FAM81A: variants seen among roughly 807,000 people sequenced by gnomAD.
The protein encoded by FAM81A is family with sequence similarity 81 member A.
A neutral mutation model predicts 46.7 loss-of-function variants in FAM81A; 19 were observed. That is an observed-to-expected ratio of 0.41 (90% CI 0.28 to 0.60). The LOEUF is 0.60. Among genes scored for constraint, FAM81A ranks in the 20% least tolerant of loss-of-function variants. The pLI, the probability that FAM81A is intolerant of heterozygous loss-of-function variation, is 0.34. For synonymous variants in FAM81A, 183 were observed against 152.9 expected (o/e 1.20, Z -1.45); for missense variants, 377 against 453.5 (o/e 0.83, Z 1.53).
chr15:59,416,468 A>C (rs1381816957), intron 2 of FAM81A, among the ~76,000 whole-genome samples: 1 of 152,198 alleles, frequency 6.6e-6, no homozygotes, highest in Non-Finnish European at 1.5e-5. Context: ...TCTGTGCTGG[A>C]GAAAGCCCTC....
intron 1 of FAM81A, among the ~76,000 whole-genome samples, chr15:59,450,814 A>T (rs1395511246): frequency 6.6e-6 from 1 of 152,226 alleles, no homozygotes; most frequent in African/African-American, 2.4e-5. Flanking sequence ...TTATAAAGTA[A>T]ATATTCTATT....
intron 4 of FAM81A, among the ~76,000 whole-genome samples, chr15:59,496,669 C>A (rs1262255052): frequency 6.6e-6 from 1 of 152,068 alleles, no homozygotes; most frequent in Non-Finnish European, 1.5e-5. Context: ...ACTCTCAATT[C>A]TATTCCATTG....
chr15:59,447,362 G>T (rs2081364312), intron 1 of FAM81A, among the ~76,000 whole-genome samples: 1 of 152,198 alleles, frequency 6.6e-6, no homozygotes, highest in South Asian at 2.1e-4. Context: ...GCTTTCCCCA[G>T]ATCGGCCTCA....
intron 2 of FAM81A, among the ~76,000 whole-genome samples, chr15:59,428,695 A>C (rs113368827): frequency 0.2 from 28,676 of 145,614 alleles, 3,050 homozygotes; most frequent in South Asian, 0.28. Context: ...CAGTGGTACA[A>C]TCTCGGCTCA....
At chr15:59,403,785 T>G (rs1348241553) in intron 2 of FAM81A, among the ~76,000 whole-genome samples, 4 of 152,234 alleles carry the variant, frequency 2.6e-5, no homozygotes, top group Admixed American at 6.5e-5. Context: ...TAAAATACTT[T>G]AAATTGCAAA....
Position 59,507,318 on chromosome 15 carries a change from G to C in FAM81A, c.519G>C (p.Thr173=). Reference sequence around the variant, plus strand: ...AGGCTGCCAAACTTATCTTGGAAACGAAAATCAAAGATGCAGAGGGACAGG... The same window carrying C: ...AGGCTGCCAAACTTATCTTGGAAACCAAAATCAAAGATGCAGAGGGACAGG... ...EQQAAKLILE[T]KIKDAEGQIS... Residue 173 remains threonine, a synonymous_variant, in exon 5 of 9, where the codon ACG becomes ACC. Transcript: ENST00000288228. 6.2e-7 allele frequency: 1 copy of C among 1,612,306 alleles called. No individual in the cohort carries two copies. Among genetic ancestry groups the C allele is most frequent in the East Asian group, 2.2e-5 (1 of 44,868 alleles).
intron 8 of FAM81A, among the ~76,000 whole-genome samples, chr15:59,518,371 C>T (rs536863374): frequency 1.1e-3 from 161 of 151,994 alleles, no homozygotes; most frequent in African/African-American, 3.4e-3. Context: ...TTGCCTAGGC[C>T]GGGGTGAAGT....
chr15:59,434,013 G>A (rs1308658524), upstream of FAM81A, among the ~76,000 whole-genome samples: 1 of 152,092 alleles, frequency 6.6e-6, no homozygotes, highest in African/African-American at 2.4e-5. Flanking sequence ...CTGCCACCAT[G>A]CCCGGCTAGC....
At position 59,521,515 on chromosome 15, in the gene FAM81A, G is replaced by T; in HGVS notation, c.*137G>T. On this transcript the variant is annotated 3_prime_UTR_variant, in exon 9 of 9. Transcript: ENST00000288228. ...TGTGCCAAGAAATGTGTTTTTATGGGTCTAAATGTTTACCTTGAGTCTTGA... is the reference window on the plus strand; with the variant it reads ...TGTGCCAAGAAATGTGTTTTTATGGTTCTAAATGTTTACCTTGAGTCTTGA... 1 of 967,364 alleles carries T rather than the reference G, an allele frequency of 1.0e-6. No homozygotes were observed. Among genetic ancestry groups the T allele is most frequent in the Non-Finnish European group, 1.4e-6 (1 of 707,332 alleles). The allele number at this position is 967,364 out of a possible 1,614,324, so 59.9% of individuals were successfully genotyped here.
chr15:59,450,585 C>T (rs1241208857), intron 1 of FAM81A, among the ~76,000 whole-genome samples: 1 of 152,028 alleles, frequency 6.6e-6, no homozygotes, highest in Non-Finnish European at 1.5e-5. Context: ...TGATTTTTGC[C>T]AGTCTGATGT....
intron 1 of FAM81A, among the ~76,000 whole-genome samples, chr15:59,441,152 T>C (rs1224061717): frequency 6.6e-6 from 1 of 152,238 alleles, no homozygotes; most frequent in East Asian, 1.9e-4. Context: ...TCTCTGGACT[T>C]GATTCCTTCC....
At chr15:59,449,673 G>T (rs1004487891) in intron 1 of FAM81A, among the ~76,000 whole-genome samples, 4 of 149,910 alleles carry the variant, frequency 2.7e-5, no homozygotes, top group Admixed American at 6.7e-5. Context: ...TCCCAGCTAC[G>T]CGGGAGGCTG....
chr15:59,470,338 A>G (rs1726858877), intron 3 of FAM81A, among the ~76,000 whole-genome samples: 2 of 152,346 alleles, frequency 1.3e-5, no homozygotes, highest in South Asian at 4.1e-4. Context: ...TTTCAGGTAC[A>G]ACAATCCAAT....
chr15:59,518,653 T>C (rs972346281), intron 8 of FAM81A, among the ~76,000 whole-genome samples: 25 of 152,294 alleles, frequency 1.6e-4, no homozygotes, highest in Admixed American at 2.0e-4. Context: ...GTATATATCC[T>C]AAGAACAAGG....
At chr15:59,405,603 T>C (rs1048835513) in intron 2 of FAM81A, among the ~76,000 whole-genome samples, 9 of 152,024 alleles carry the variant, frequency 5.9e-5, no homozygotes, top group African/African-American at 2.2e-4. Context: ...ATCACGCCAC[T>C]GCACACCAGC....
chr15:59,504,393 A>G (rs1406120390), intron 4 of FAM81A, among the ~76,000 whole-genome samples: 4 of 152,232 alleles, frequency 2.6e-5, no homozygotes, highest in African/African-American at 9.6e-5. Flanking sequence ...TACCATATGC[A>G]AGGCAATAAA....
At chr15:59,507,583 C>T (rs549595307) in intron 5 of FAM81A, among the ~76,000 whole-genome samples, 1 of 152,332 alleles carries the variant, frequency 6.6e-6, no homozygotes, top group Admixed American at 6.5e-5. Flanking sequence ...CCCACCACCA[C>T]ATTCCTAGAA....
intron 6 of FAM81A, among the ~76,000 whole-genome samples, chr15:59,510,975 C>T (rs566478440): frequency 6.6e-6 from 1 of 151,878 alleles, no homozygotes; most frequent in East Asian, 1.9e-4. Context: ...TGGTGAAATC[C>T]TGTCTCTATT....
In FAM81A at chr15:59,521,909, T is replaced by G. The variant is rs2141859465; in HGVS notation, c.*531T>G. The G allele has an allele frequency of 6.6e-6, 1 of 152,362 alleles. No homozygotes were observed. Among genetic ancestry groups the G allele is most frequent in the South Asian group, 2.1e-4 (1 of 4,826 alleles). The allele number at this position is 152,362 out of a possible 1,614,324, so 9.4% of individuals were successfully genotyped here. On this transcript the variant is annotated 3_prime_UTR_variant, in exon 9 of 9. Transcript: ENST00000288228. Reference sequence around the variant, plus strand: ...TTATCTTCTTGTAAATCTTCTGTCTTTTGTAAGGGGAAAGGATTTAACATT... The same window carrying G: ...TTATCTTCTTGTAAATCTTCTGTCTGTTGTAAGGGGAAAGGATTTAACATT...
Sources: gnomAD v4.1 joint callset for allele counts (sites outside exome capture counted in the v4.1 genomes callset) on GRCh38, gnomAD v4.1.1 for gene constraint, MANE v1.5 for transcripts, NCBI Gene and HGNC (gene_info 2026-07-23, HGNC 2026-07-21) for gene names.